Variants in NUP160 observed in about 807,000 individuals in gnomAD.
NUP160 encodes nuclear pore complex protein Nup160.
Under a neutral mutation model 196.9 loss-of-function variants are expected in NUP160, and 94 were observed. The ratio of observed to expected loss-of-function variants is 0.48; its 90% CI spans 0.40 to 0.57. NUP160 has a LOEUF of 0.57. NUP160 is among the 20% of genes least tolerant of loss of function. The pLI is 0.00. For missense variants in NUP160, 1,638 were observed against 1,748.3 expected, an observed-to-expected ratio of 0.94 and a Z score of 1.13; for synonymous variants, 605 against 619.7, an observed-to-expected ratio of 0.98 and a Z score of 0.35.
chr11:47,848,104 G>A (rs1165382170), intron 1 of NUP160, 115 bp downstream of exon 1: 16 of 1,339,094 alleles, frequency 1.2e-5, no homozygotes, highest in Admixed American at 6.8e-5. Context: ...CTCTGATCCC[G>A]GGGCTAGAGG....
intron 27 of NUP160, 37 bp downstream of exon 27, chr11:47,797,742 G>C: frequency 7.1e-7 from 1 of 1,401,648 alleles, no homozygotes; most frequent in East Asian, 2.3e-5. Flanking sequence ...AAACTAATAA[G>C]GCTGTCTGCA....
At chr11:47,801,689 A>C (rs777900597) in intron 23 of NUP160, 122 bp downstream of exon 23, 71 of 937,972 alleles carry the variant, frequency 7.6e-5, no homozygotes, top group Non-Finnish European at 1.1e-4. Context: ...ATTTTTTTTA[A>C]ATTTGGAAGT....
intron 20 of NUP160, among the ~76,000 whole-genome samples, chr11:47,805,092 C>G (rs922974962): frequency 6.6e-6 from 1 of 152,036 alleles, no homozygotes; most frequent in Non-Finnish European, 1.5e-5. Flanking sequence ...AACATGGTAC[C>G]TGGCATATAG....
chr11:47,847,992 G>A (rs372490249), intron 1 of NUP160, 33 bp from the exon 2 acceptor site: 5 of 1,526,864 alleles, frequency 3.3e-6, no homozygotes, highest in African/African-American at 2.7e-5. Flanking sequence ...CTGCACACGC[G>A]TCTTCTGAGA....
chr11:47,788,459 T>C (rs772595331), intron 30 of NUP160, 42 bp downstream of exon 30: 4 of 1,570,446 alleles, frequency 2.5e-6, no homozygotes, highest in Admixed American at 3.4e-5. Flanking sequence ...AATGTGCTCG[T>C]GGTGCTGACA....
At chr11:47,778,904 C>T (rs1246719867) in exon 36 of NUP160, 1 of 474,686 alleles carries the variant, frequency 2.1e-6, no homozygotes, top group Non-Finnish European at 3.8e-6. Flanking sequence ...CAAGGTTGAA[C>T]ACCAGAAATT....
intron 4 of NUP160, among the ~76,000 whole-genome samples, chr11:47,838,632 T>TC (rs1555007915): frequency 6.6e-6 from 1 of 150,860 alleles, no homozygotes; most frequent in East Asian, 2.0e-4. Flanking sequence ...CACTTGAACC[T>TC]GGGGGGGGCG....
chr11:47,816,762 C>T (rs191041302), intron 11 of NUP160, among the ~76,000 whole-genome samples: 85 of 140,560 alleles, frequency 6.0e-4, no homozygotes, highest in South Asian at 9.5e-4. Context: ...GGCAACAGAG[C>T]GAGACCCTGC....
intron 7 of NUP160, chr11:47,826,961 G>C (rs1851980948): frequency 2.3e-6 from 1 of 439,138 alleles, no homozygotes; most frequent in Non-Finnish European, 4.5e-6. Flanking sequence ...AATTACTGGT[G>C]TCTTAACATA....
chr11:47,847,277 T>C (rs1158375645), intron 2 of NUP160, among the ~76,000 whole-genome samples: 2 of 152,142 alleles, frequency 1.3e-5, no homozygotes, highest in East Asian at 3.9e-4. Context: ...AGGGTAACTG[T>C]GAATTCCTTA....
intron 25 of NUP160, 40 bp downstream of exon 25, chr11:47,798,128 G>A (rs1215730202): frequency 6.4e-7 from 1 of 1,553,074 alleles, no homozygotes; most frequent in South Asian, 1.1e-5. Context: ...GTTAAACAGA[G>A]TTGGTAAATT....
At chr11:47,790,945 G>A (rs1022925009) in intron 29 of NUP160, among the ~76,000 whole-genome samples, 12 of 152,080 alleles carry the variant, frequency 7.9e-5, no homozygotes, top group Admixed American at 4.6e-4. Flanking sequence ...TCCAGCTTTA[G>A]ATCTTTTACC....
intron 13 of NUP160, among the ~76,000 whole-genome samples, chr11:47,813,868 G>A (rs1413035792): frequency 1.3e-5 from 2 of 151,676 alleles, no homozygotes; most frequent in Admixed American, 6.6e-5. Context: ...TCAGGGGATC[G>A]AGACCATCCT....
Position 47,813,341 on chromosome 11 carries a change from T to G in NUP160, c.1761A>C (p.Thr587=), listed in dbSNP as rs146815434. The G allele has an allele frequency of 1.7e-5, 27 of 1,608,034 alleles. No homozygotes were observed. In the African/African-American group the frequency reaches 3.5e-4, roughly 21 times the overall value. The change falls in exon 14 of 36, where the codon ACA becomes ACC. Residue 587 remains threonine, a synonymous_variant. Coordinates refer to ENST00000378460, the Ensembl canonical transcript of NUP160. Reference sequence around the variant, plus strand: ...CATCAGATATGGTTGTCTCATCTTCTGTCAAAAGGTTCTCATAAGGCAGGA... The same window carrying G: ...CATCAGATATGGTTGTCTCATCTTCGGTCAAAAGGTTCTCATAAGGCAGGA...
At chr11:47,803,045 C>T (rs561442820) in intron 22 of NUP160, among the ~76,000 whole-genome samples, 5 of 151,322 alleles carry the variant, frequency 3.3e-5, no homozygotes, top group Non-Finnish European at 2.9e-5. Flanking sequence ...TGGCCAAACG[C>T]GGTGGCTTAT....
intron 21 of NUP160, among the ~76,000 whole-genome samples, chr11:47,803,786 T>G (rs2097675830): frequency 1.3e-5 from 2 of 152,200 alleles, no homozygotes; most frequent in Non-Finnish European, 2.9e-5. Context: ...TTCCAATTTT[T>G]GGTATTTATT....
At chr11:47,802,260 A>G (rs186114782) in intron 22 of NUP160, among the ~76,000 whole-genome samples, 14 of 152,052 alleles carry the variant, frequency 9.2e-5, no homozygotes, top group East Asian at 5.8e-4. Context: ...GTGAAACTCC[A>G]TATCTACTAA....
exon 31 of NUP160, chr11:47,788,265 C>G: frequency 1.2e-6 from 2 of 1,614,112 alleles, no homozygotes; most frequent in Non-Finnish European, 1.7e-6. Flanking sequence ...AGAGGCCCGC[C>G]TGAACCAAGA....
intron 34 of NUP160, among the ~76,000 whole-genome samples, chr11:47,781,105 C>A (rs970998285): frequency 6.6e-6 from 1 of 151,826 alleles, no homozygotes; most frequent in African/African-American, 2.4e-5. Context: ...CAGATGTAGT[C>A]CCAGCTGCTC....
Sources: gnomAD v4.1 joint callset for allele counts (sites outside exome capture counted in the v4.1 genomes callset) on GRCh38, gnomAD v4.1.1 for gene constraint, MANE v1.5 for transcripts, NCBI Gene and HGNC (gene_info 2026-07-23, HGNC 2026-07-21) for gene names.